The following VTI1A variants were observed in gnomAD, a reference collection of about 807,000 sequenced individuals.
VTI1A encodes the protein vesicle transport through interaction with t-SNAREs homolog 1A.
VTI1A carries 22 observed loss-of-function variants against 34.9 expected under a neutral mutation model. The observed-to-expected ratio is 0.63, with a 90% CI of 0.45 to 0.90. The LOEUF is 0.90. Ranked by LOEUF, VTI1A falls within the 40% of genes least tolerant of loss-of-function variation. The pLI is 0.00. For synonymous variants in VTI1A, 87 were observed against 97.3 expected, an observed-to-expected ratio of 0.89 and a Z score of 0.62; for missense variants, 268 against 275.6, an observed-to-expected ratio of 0.97 and a Z score of 0.20.
At chr10:112,780,618 A>T (rs2134037208) in intron 7 of VTI1A, among the ~76,000 whole-genome samples, 2 of 152,256 alleles carry the variant, frequency 1.3e-5, no homozygotes, top group Middle Eastern at 6.8e-3. Context: ...GCATAATCTG[A>T]TTTAACCCGT....
intron 5 of VTI1A, among the ~76,000 whole-genome samples, chr10:112,638,704 C>G (rs1057059915): frequency 1.3e-5 from 2 of 149,356 alleles, no homozygotes; most frequent in Non-Finnish European, 3.0e-5. Context: ...GTATTTCACC[C>G]AAATGTAAGC....
Position 112,811,683 on chromosome 10 carries a change from CAAAAAAAAAA to C in VTI1A, c.561-3587_561-3578del, listed in dbSNP as rs869030543. ...TGGGCGACAGAGCGAGACTCCGTCT[CAAAAAAAAAA>C]AAAAAAAAAAAAAAAAAAAGAGTGC... On this transcript the variant is annotated intron_variant, in intron 7 of 7. Coordinates refer to ENST00000393077, the MANE Select transcript of VTI1A (RefSeq NM_145206.4). Among the ~76,000 whole-genome samples, 31 of 11,844 alleles carry C rather than the reference CAAAAAAAAAA, an allele frequency of 2.6e-3. 1 individual carries two copies. The highest frequency in any genetic ancestry group is 0.011 in the South Asian group (3 of 284). 7.8% of individuals were successfully genotyped at this position (11,844 alleles called of 152,430 possible). A position where few individuals can be genotyped will look rare whatever the true frequency, so the allele number is the denominator to read the frequency against.
chr10:112,685,121 A>G (rs1848360287), intron 7 of VTI1A, among the ~76,000 whole-genome samples: 1 of 152,244 alleles, frequency 6.6e-6, no homozygotes, highest in Non-Finnish European at 1.5e-5. Flanking sequence ...AGATATTTCT[A>G]TATATGATGA....
Position 112,701,066 on chromosome 10 carries a change from A to G in VTI1A, c.560+32068A>G, listed in dbSNP as rs142828730. 1.0e-3 allele frequency among the ~76,000 whole-genome samples: 152 copies of G among 152,202 alleles called. 1 individual carries two copies. The highest frequency in any genetic ancestry group is 3.6e-3 in the African/African-American group (148 of 41,452). ...TTGTATCTCATTGACTGGACCCTAA[A>G]GGGTCATTTTTGAGCAAACTATATA... On this transcript the variant is annotated intron_variant, in intron 7 of 7. Transcript: ENST00000393077.
intron 7 of VTI1A, among the ~76,000 whole-genome samples, chr10:112,715,534 A>G (rs1480339314): frequency 2.0e-5 from 3 of 152,160 alleles, no homozygotes; most frequent in Non-Finnish European, 4.4e-5. Flanking sequence ...AGGACAGTAA[A>G]CGGTGGAGGT....
intron 7 of VTI1A, among the ~76,000 whole-genome samples, chr10:112,760,336 A>G (rs1314639212): frequency 6.6e-6 from 1 of 152,150 alleles, no homozygotes; most frequent in African/African-American, 2.4e-5. Flanking sequence ...AAATAGAACA[A>G]TTGTAACAAT....
chr10:112,645,651 T>C (rs1007980488), intron 5 of VTI1A, among the ~76,000 whole-genome samples: 1 of 152,170 alleles, frequency 6.6e-6, no homozygotes, highest in Non-Finnish European at 1.5e-5. Context: ...AAATCACTTC[T>C]CTCAGATGAT....
intron 7 of VTI1A, among the ~76,000 whole-genome samples, chr10:112,800,977 G>A (rs1210661854): frequency 6.6e-6 from 1 of 152,196 alleles, no homozygotes; most frequent in African/African-American, 2.4e-5. Context: ...CTCCAAAAAT[G>A]AGGGTGGTTG....
intron 3 of VTI1A, among the ~76,000 whole-genome samples, chr10:112,503,020 A>G (rs537031898): frequency 5.3e-5 from 8 of 152,308 alleles, no homozygotes; most frequent in African/African-American, 1.9e-4. Context: ...ATAGATGTAC[A>G]TATTTTCAGG....
chr10:112,647,892 C>T (rs940831735), intron 5 of VTI1A, among the ~76,000 whole-genome samples: 2 of 152,172 alleles, frequency 1.3e-5, no homozygotes, highest in African/African-American at 2.4e-5. Flanking sequence ...GCCTTAGCCT[C>T]CTAAGTAGCT....
intron 5 of VTI1A, among the ~76,000 whole-genome samples, chr10:112,642,844 G>A (rs1283406678): frequency 6.6e-6 from 1 of 152,068 alleles, no homozygotes; most frequent in Non-Finnish European, 1.5e-5. Flanking sequence ...AATGAATTGA[G>A]TCCAGAGGAG....
rs1263125130 is a variant in VTI1A, at chr10:112,495,686, C to T, written c.264+31029C>T. Among the ~76,000 whole-genome samples, 6 of 152,174 alleles carry T rather than the reference C, an allele frequency of 3.9e-5. No individual in the cohort carries two copies. The South Asian group carries it at 6.2e-4, about 16-fold the overall frequency. ...AGAAACTGAGTTAAACCAATTTTGACGTCAGCATATAGATATTATTTAAAG... is the reference window on the plus strand; with the variant it reads ...AGAAACTGAGTTAAACCAATTTTGATGTCAGCATATAGATATTATTTAAAG... On this transcript the variant is annotated intron_variant, in intron 3 of 7. Transcript: ENST00000393077.
chr10:112,847,222 A>C, the VTI1A span, among the ~76,000 whole-genome samples: 1 of 152,094 alleles, frequency 6.6e-6, no homozygotes, highest in African/African-American at 2.4e-5. Context: ...CTCCCTCAGT[A>C]AGTTTTTGAC....
chr10:112,574,309 C>T (rs1852253024), intron 5 of VTI1A, among the ~76,000 whole-genome samples: 1 of 152,162 alleles, frequency 6.6e-6, no homozygotes, highest in Non-Finnish European at 1.5e-5. Context: ...TAGCTCAGAA[C>T]AAGTGATTGT....
intron 3 of VTI1A, among the ~76,000 whole-genome samples, chr10:112,500,981 G>A (rs902003709): frequency 6.6e-6 from 1 of 152,098 alleles, no homozygotes; most frequent in African/African-American, 2.4e-5. Context: ...ATTCAACCAA[G>A]TTAGTTCCTT....
At chr10:112,769,718 G>A (rs1405276196) in intron 7 of VTI1A, among the ~76,000 whole-genome samples, 2 of 152,152 alleles carry the variant, frequency 1.3e-5, no homozygotes, top group Non-Finnish European at 2.9e-5. Context: ...AAGGTATATG[G>A]CAAGATCCAG....
chr10:112,546,384 T>C (rs928098682), intron 5 of VTI1A, among the ~76,000 whole-genome samples: 3 of 152,070 alleles, frequency 2.0e-5, no homozygotes, highest in Non-Finnish European at 2.9e-5. Flanking sequence ...CTTGGCAACA[T>C]AGTGAGATGC....
At chr10:112,824,859 C>T in the VTI1A span, 1 of 152,228 alleles carries the variant, frequency 6.6e-6, no homozygotes, top group African/African-American at 2.4e-5. Flanking sequence ...TAGCTCCCAG[C>T]CTTCCATGGC....
intron 7 of VTI1A, 122 bp downstream of exon 7, chr10:112,669,120 G>A (rs1324668522): frequency 9.4e-7 from 1 of 1,068,626 alleles, no homozygotes. Flanking sequence ...ACCCTGTGCA[G>A]GACCCATTTG....
Sources: gnomAD v4.1 joint callset for allele counts (sites outside exome capture counted in the v4.1 genomes callset) on GRCh38, gnomAD v4.1.1 for gene constraint, MANE v1.5 for transcripts, NCBI Gene and HGNC (gene_info 2026-07-23, HGNC 2026-07-21) for gene names.